SLC39A12: variants seen among roughly 807,000 people sequenced by gnomAD.
SLC39A12 encodes the protein solute carrier family 39 member 12, also known as zinc transporter ZIP12.
A neutral mutation model predicts 71.1 loss-of-function variants in SLC39A12; 63 were observed. The observed-to-expected ratio is 0.89, with a 90% CI of 0.72 to 1.09. The LOEUF is 1.09. Among genes scored for constraint, SLC39A12 ranks in the 50% least tolerant of loss-of-function variants. SLC39A12 has a pLI of 0.00. For synonymous variants in SLC39A12, 351 were observed against 301.3 expected, an observed-to-expected ratio of 1.16 and a Z score of -1.71; for missense variants, 892 against 812.6, an observed-to-expected ratio of 1.10 and a Z score of -1.19.
chr10:18,038,846 C>T (rs1381184645), intron 12 of SLC39A12, among the ~76,000 whole-genome samples: 2 of 152,130 alleles, frequency 1.3e-5, no homozygotes, highest in African/African-American at 4.8e-5. Context: ...GCCAAAGACC[C>T]TTCCTGGAAG....
At chr10:18,038,955 A>T (rs939267083) in intron 12 of SLC39A12, among the ~76,000 whole-genome samples, 13 of 152,160 alleles carry the variant, frequency 8.5e-5, no homozygotes, top group Admixed American at 3.3e-4. Flanking sequence ...TATCTCTTGA[A>T]CCAGAACCAT....
intron 12 of SLC39A12, chr10:18,009,793 A>C (rs1403870583): frequency 6.6e-6 from 1 of 152,194 alleles, no homozygotes; most frequent in East Asian, 1.9e-4. Context: ...TTGAATATGA[A>C]TTTAAGATCT....
At chr10:18,022,488 T>C (rs1554854029) in intron 12 of SLC39A12, among the ~76,000 whole-genome samples, 2 of 152,232 alleles carry the variant, frequency 1.3e-5, no homozygotes, top group Non-Finnish European at 1.5e-5. Flanking sequence ...AGCTCACTTT[T>C]GTTCTTTCTT....
intron 4 of SLC39A12, among the ~76,000 whole-genome samples, chr10:17,977,611 G>T (rs1380255065): frequency 1.1e-4 from 16 of 152,060 alleles, no homozygotes; most frequent in African/African-American, 3.9e-4. Flanking sequence ...CAATTTGATT[G>T]ACTTAACTAA....
At chr10:18,035,904 G>C (rs957865903) in intron 12 of SLC39A12, among the ~76,000 whole-genome samples, 5 of 152,166 alleles carry the variant, frequency 3.3e-5, no homozygotes, top group Admixed American at 6.5e-5. Context: ...GGAATACCCT[G>C]CCGTGTGAGG....
intron 4 of SLC39A12, among the ~76,000 whole-genome samples, chr10:17,971,115 A>G: frequency 6.6e-6 from 1 of 152,042 alleles, no homozygotes. Context: ...ACTGATTTGC[A>G]TATGTTGAAC....
At chr10:18,037,799 G>T (rs746346792) in intron 12 of SLC39A12, among the ~76,000 whole-genome samples, 1 of 151,262 alleles carries the variant, frequency 6.6e-6, no homozygotes, top group Admixed American at 6.6e-5. Context: ...CAAGGTGGGC[G>T]GATCACCGTC....
chr10:18,003,823 A>G (rs1014815352), intron 12 of SLC39A12, among the ~76,000 whole-genome samples: 1 of 152,362 alleles, frequency 6.6e-6, no homozygotes, highest in East Asian at 1.9e-4. Flanking sequence ...ACAATGGAAA[A>G]TAATTCAACT....
intron 8 of SLC39A12, among the ~76,000 whole-genome samples, chr10:17,992,115 G>C (rs1424192947): frequency 1.5e-5 from 2 of 134,146 alleles, no homozygotes; most frequent in South Asian, 4.9e-4. Context: ...AAAAACAAAA[G>C]AAAAAATAAA....
rs370940511 is a variant in SLC39A12, at chr10:18,005,047, G to A, written c.1947+1689G>A. Among the ~76,000 whole-genome samples, 36 of 149,844 alleles carry A rather than the reference G, an allele frequency of 2.4e-4. No individual in the cohort carries two copies. In the South Asian group the frequency reaches 4.4e-3, roughly 18 times the overall value. Reference sequence around the variant, plus strand: ...GATAAGAACACATGGACATAGGGACGGGAACAACACACACTGGGGCCTGTC... The same window carrying A: ...GATAAGAACACATGGACATAGGGACAGGAACAACACACACTGGGGCCTGTC... On this transcript the variant is annotated intron_variant, in intron 12 of 12. Coordinates refer to ENST00000377369, the MANE Select transcript of SLC39A12 (RefSeq NM_001145195.2).
At chr10:17,996,889 T>G (rs984510174) in intron 10 of SLC39A12, among the ~76,000 whole-genome samples, 1 of 151,668 alleles carries the variant, frequency 6.6e-6, no homozygotes, top group Non-Finnish European at 1.5e-5. Context: ...TCCCAGCTAC[T>G]CGGGAGACTG....
chr10:17,988,048 C>T (rs904540798), intron 7 of SLC39A12, among the ~76,000 whole-genome samples: 5 of 152,126 alleles, frequency 3.3e-5, no homozygotes, highest in African/African-American at 9.7e-5. Context: ...TTACATGCAC[C>T]GGTAGTCCCA....
intron 2 of SLC39A12, 61 bp downstream of exon 2, chr10:17,953,598 A>G (rs1834464218): frequency 6.5e-7 from 1 of 1,550,248 alleles, no homozygotes; most frequent in Non-Finnish European, 8.7e-7. Context: ...AATGGATTCT[A>G]TAGGGATTTA....
intron 12 of SLC39A12, among the ~76,000 whole-genome samples, chr10:18,013,497 A>G (rs1272819784): frequency 7.9e-5 from 12 of 151,852 alleles, no homozygotes; most frequent in Non-Finnish European, 1.2e-4. Flanking sequence ...CCTCCCAAGT[A>G]GCTGGGACTA....
At chr10:17,969,706 A>G (rs954454709) in intron 4 of SLC39A12, among the ~76,000 whole-genome samples, 20 of 152,134 alleles carry the variant, frequency 1.3e-4, no homozygotes, top group Admixed American at 1.2e-3. Flanking sequence ...TGGTGAGATG[A>G]GTAGCTCGCA....
chr10:18,008,192 G>A (rs748780076), intron 12 of SLC39A12, among the ~76,000 whole-genome samples: 7 of 152,172 alleles, frequency 4.6e-5, no homozygotes, highest in Admixed American at 2.0e-4. Flanking sequence ...GTGAGCAAGC[G>A]AAGCTTCATC....
At chr10:17,990,020 C>T (rs888941796) in intron 7 of SLC39A12, among the ~76,000 whole-genome samples, 13 of 152,254 alleles carry the variant, frequency 8.5e-5, no homozygotes, top group African/African-American at 1.9e-4. Context: ...AGTTTTCAAA[C>T]GTCTGCACAG....
chr10:17,956,814 T>C (rs1834562129), intron 2 of SLC39A12, among the ~76,000 whole-genome samples: 1 of 152,222 alleles, frequency 6.6e-6, no homozygotes, highest in African/African-American at 2.4e-5. Context: ...CACCCAGCTT[T>C]GTCTTATTAT....
chr10:18,006,802 A>G (rs1334133606), intron 12 of SLC39A12, among the ~76,000 whole-genome samples: 2 of 152,146 alleles, frequency 1.3e-5, no homozygotes, highest in Non-Finnish European at 2.9e-5. Flanking sequence ...TACTAAGAGC[A>G]TTCCTGGAAA....
Sources: allele counts gnomAD v4.1 joint callset (sites outside exome capture counted in the v4.1 genomes callset), GRCh38; gene constraint gnomAD v4.1.1; transcripts MANE v1.5; gene names NCBI Gene and HGNC (gene_info 2026-07-23, HGNC 2026-07-21).